The following CLDN5 variants were observed in gnomAD, a reference collection of about 807,000 sequenced individuals.
CLDN5 encodes the protein claudin-5.
In CLDN5, 4 loss-of-function variants were observed where a neutral mutation model predicts 1.3. That is an observed-to-expected ratio of 3.07 (90% CI 1.51 to 7.03). CLDN5 has a LOEUF of 7.03. CLDN5 is among the 30% of genes most tolerant of loss of function. The probability of loss-of-function intolerance (pLI) is 0.00; values close to 1 mark genes in which losing one functional copy is unlikely to be tolerated. For missense variants in CLDN5, 225 were observed against 303.5 expected (o/e 0.74, Z 1.92); for synonymous variants, 156 against 152.3 (o/e 1.02, Z -0.18).
At chr22:19,524,413 C>A (rs1199248569), upstream of CLDN5, 1 of 1,448,252 alleles carries the variant, frequency 6.9e-7, no homozygotes, top group African/African-American at 1.5e-5. Context: ...GGTCTGCCAG[C>A]TCCTGCCGGG....
At chr22:19,524,946 C>G (rs1373399834), upstream of CLDN5, 2 of 1,021,434 alleles carry the variant, frequency 2.0e-6, no homozygotes, top group Admixed American at 5.9e-5. Flanking sequence ...TCTCCAGCCC[C>G]GCTCTGAGTC....
rs1478623274 is a variant in CLDN5, at chr22:19,524,372, C to A, written c.-117G>T. ...GCGCTCCCGGCTCTTGGCCCCAGTC[C>A]GTTTGCCCCGCGGGTCTGTCGCACC... On this transcript the variant is annotated 5_prime_UTR_variant, in exon 1 of 1. Coordinates refer to ENST00000618236, the MANE Select transcript of CLDN5 (RefSeq NM_001363066.2). 2.0e-6 allele frequency: 3 copies of A among 1,470,364 alleles called. No homozygotes were observed. The East Asian group carries it at 7.6e-5, about 37-fold the overall frequency. The allele number at this position is 1,470,364 out of a possible 1,614,324, so 91.1% of individuals were successfully genotyped here. A position where few individuals can be genotyped will look rare whatever the true frequency, so the allele number is the denominator to read the frequency against.
At position 19,523,288 on chromosome 22, in the gene CLDN5, C is replaced by A. The variant is rs1354704746; in HGVS notation, c.*311G>T. The A allele has an allele frequency of 2.8e-6, 1 of 358,502 alleles. No individual in the cohort carries two copies. The highest frequency in any genetic ancestry group is 5.2e-5 in the East Asian group (1 of 19,068). 22.2% of individuals were successfully genotyped at this position (358,502 alleles called of 1,614,324 possible). On this transcript the variant is annotated 3_prime_UTR_variant, in exon 1 of 1. Transcript: ENST00000618236. ...GGAAGTAAGGCAGCAGCCAAGACCC[C>A]CAGCGTCTTGGAGGGGAAGCGAAAT...
upstream of CLDN5, chr22:19,524,642 C>A: frequency 2.2e-6 from 3 of 1,342,990 alleles, no homozygotes; most frequent in East Asian, 6.1e-5. Context: ...TTGTCCTAGT[C>A]GCGGCCGAGC....
chr22:19,524,163 C>G lies in CLDN5; in HGVS notation c.93G>C (p.Gln31His). 1 of 1,611,336 alleles carries G rather than the reference C, an allele frequency of 6.2e-7. No homozygotes were observed. The highest frequency in any genetic ancestry group is 8.5e-7 in the Non-Finnish European group (1 of 1,179,614). The change falls in exon 1 of 1, where the codon CAG becomes CAC. Residue 31 changes from glutamine to histidine, a missense_variant. By Grantham distance (24) the Gln-to-His change is conservative. Coordinates refer to ENST00000618236, the MANE Select transcript of CLDN5 (RefSeq NM_001363066.2). ...LILACGLPMW[Q>H]VTAFLDHNIV... ...TGTTGTGGTCCAGGAAGGCGGTCAC[C>G]TGCCACATGGGCAGCCCGCACGCCA...
In CLDN5 at chr22:19,523,712, A is replaced by C. The variant is rs1168920568; in HGVS notation, c.544T>G (p.Cys182Gly). Reference protein sequence around the residue: ...ALLMVGGCLLCCGAWVCTGRP... With the variant: ...ALLMVGGCLLGCGAWVCTGRP... Reference sequence around the variant, plus strand: ...CCGGTGCAGACCCAGGCGCCGCAGCACAAGAGGCAGCCGCCTACCATGAGC... The same window carrying C: ...CCGGTGCAGACCCAGGCGCCGCAGCCCAAGAGGCAGCCGCCTACCATGAGC... The change falls in exon 1 of 1, where the codon TGC becomes GGC. Residue 182 changes from cysteine (C) to glycine (G), a missense_variant. By Grantham distance (159) the Cys-to-Gly change is radical (BLOSUM62 -3). This residue lies in a region of CLDN5 where 165 missense variants were observed against 211.9 expected (regional missense o/e 0.78). Coordinates refer to ENST00000618236, the MANE Select transcript of CLDN5 (RefSeq NM_001363066.2). The C allele has an allele frequency of 6.2e-7, 1 of 1,607,182 alleles. No homozygotes were observed. Among genetic ancestry groups the C allele is most frequent in the Non-Finnish European group, 8.5e-7 (1 of 1,178,592 alleles).
chr22:19,523,998 G>T lies in CLDN5; in HGVS notation c.258C>A (p.Ser86Arg). 6.3e-7 allele frequency: 1 copy of T among 1,589,900 alleles called. No individual in the cohort carries two copies. Among genetic ancestry groups the T allele is most frequent in the Non-Finnish European group, 8.5e-7 (1 of 1,174,318 alleles). ...GCGCAACGAACGCCAGCAGCACGGC[G>T]CTCACGGTGAGCGCCCGCGCCGCCT... ...EVQAARALTVSAVLLAFVALF... is the reference protein window; with the variant it reads ...EVQAARALTVRAVLLAFVALF... Residue 86 changes from serine (S) to arginine (R), a missense_variant, in exon 1 of 1, where the codon AGC becomes AGA. Transcript: ENST00000618236.
rs967389341 is a variant in CLDN5 at position 19,524,327 on chromosome 22, G to T, written c.-72C>A. 2 of 1,496,018 alleles carry T rather than the reference G, an allele frequency of 1.3e-6. No homozygotes were observed. Among genetic ancestry groups the T allele is most frequent in the Admixed American group, 4.7e-5 (2 of 42,478 alleles). The allele number at this position is 1,496,018 out of a possible 1,614,324, so 92.7% of individuals were successfully genotyped here. A position where few individuals can be genotyped will look rare whatever the true frequency, so the allele number is the denominator to read the frequency against. ...CCGTGCTGCGCGGCGCCCTGGGCGG[G>T]CCCTGGTGCCTTTGCGCCCGCGCTC... is the stretch of plus-strand genomic sequence containing the variant. On this transcript the variant is annotated 5_prime_UTR_variant, in exon 1 of 1. Coordinates refer to ENST00000618236, the MANE Select transcript of CLDN5 (RefSeq NM_001363066.2).
At position 19,524,336 on chromosome 22, in the gene CLDN5, C is replaced by T; in HGVS notation, c.-81G>A. 1 of 1,488,360 alleles carries T rather than the reference C, an allele frequency of 6.7e-7. No individual in the cohort carries two copies. Among genetic ancestry groups the T allele is most frequent in the Non-Finnish European group, 8.9e-7 (1 of 1,118,444 alleles). 92.2% of individuals were successfully genotyped at this position (1,488,360 alleles called of 1,614,324 possible). A position where few individuals can be genotyped will look rare whatever the true frequency, so the allele number is the denominator to read the frequency against. ...GCGGCGCCCTGGGCGGGCCCTGGTG[C>T]CTTTGCGCCCGCGCTCCCGGCTCTT... On this transcript the variant is annotated 5_prime_UTR_variant, in exon 1 of 1. Transcript: ENST00000618236.
chr22:19,524,670 A>C (rs1415722971), upstream of CLDN5: 1 of 1,314,308 alleles, frequency 7.6e-7, no homozygotes, highest in East Asian at 3.1e-5. Context: ...GGGCTGGCCT[A>C]GGGCGCGCTT....
chr22:19,524,326 G>C lies in CLDN5; in HGVS notation c.-71C>G. 1 of 1,501,380 alleles carries C rather than the reference G, an allele frequency of 6.7e-7. No individual in the cohort carries two copies. The highest frequency in any genetic ancestry group is 8.9e-7 in the Non-Finnish European group (1 of 1,124,482). 93.0% of individuals were successfully genotyped at this position (1,501,380 alleles called of 1,614,324 possible). ...GCCGTGCTGCGCGGCGCCCTGGGCGGGCCCTGGTGCCTTTGCGCCCGCGCT... is the reference window on the plus strand; with the variant it reads ...GCCGTGCTGCGCGGCGCCCTGGGCGCGCCCTGGTGCCTTTGCGCCCGCGCT... On this transcript the variant is annotated 5_prime_UTR_variant, in exon 1 of 1. Transcript: ENST00000618236.
At chr22:19,524,477 C>T, upstream of CLDN5, 1 of 1,433,552 alleles carries the variant, frequency 7.0e-7, no homozygotes, top group South Asian at 1.5e-5. Flanking sequence ...GCCCGGCCCC[C>T]CGGCCCGAAG....
rs1934151323 is a variant in CLDN5 at position 19,523,497 on chromosome 22, C to T, written c.*102G>A. On this transcript the variant is annotated 3_prime_UTR_variant, in exon 1 of 1. Coordinates refer to ENST00000618236, the MANE Select transcript of CLDN5 (RefSeq NM_001363066.2). ...CGGACGTTCCGAGGAGCCTGCGCGC[C>T]GCGCTACCCGGCGGAAGCCGCGGTC... The T allele has an allele frequency of 1.4e-6, 2 of 1,438,364 alleles. No homozygotes were observed. Among genetic ancestry groups the T allele is most frequent in the African/African-American group, 1.5e-5 (1 of 68,074 alleles). The allele number at this position is 1,438,364 out of a possible 1,614,324, so 89.1% of individuals were successfully genotyped here. A position where few individuals can be genotyped will look rare whatever the true frequency, so the allele number is the denominator to read the frequency against.
upstream of CLDN5, chr22:19,525,302 C>T (rs1934206255): frequency 2.3e-5 from 23 of 999,490 alleles, no homozygotes; most frequent in Non-Finnish European, 2.8e-5. Context: ...TGGCCCCAGG[C>T]CTAGCAGCCT....
At chr22:19,525,066 G>A (rs982536052), upstream of CLDN5, 3 of 1,001,112 alleles carry the variant, frequency 3.0e-6, no homozygotes, top group African/African-American at 3.5e-5. Flanking sequence ...CCTCTCTGGA[G>A]CCTGAGTCTC....
Position 19,524,261 on chromosome 22 carries a change from G to C in CLDN5, c.-6C>G, listed in dbSNP as rs781250625. On this transcript the variant is annotated 5_prime_UTR_variant, in exon 1 of 1. Transcript: ENST00000618236. Reference sequence around the variant, plus strand: ...TCCAACGCTGCGGACCCCATGGCTAGAGGCGAGACGCGCACCCGAAGGCCC... The same window carrying C: ...TCCAACGCTGCGGACCCCATGGCTACAGGCGAGACGCGCACCCGAAGGCCC... 13 of 1,564,326 alleles carry C rather than the reference G, an allele frequency of 8.3e-6. No homozygotes were observed. The highest frequency in any genetic ancestry group is 1.1e-5 in the Non-Finnish European group (13 of 1,155,688).
rs1934157231 is a variant in CLDN5 at position 19,523,653 on chromosome 22, T to C, written c.603A>G (p.Ser201=). 1 of 1,605,850 alleles carries C rather than the reference T, an allele frequency of 6.2e-7. No homozygotes were observed. The highest frequency in any genetic ancestry group is 1.3e-5 in the African/African-American group (1 of 74,864). The change falls in exon 1 of 1, where the codon TCA becomes TCG. Residue 201 remains serine, a synonymous_variant. Coordinates refer to ENST00000618236, the MANE Select transcript of CLDN5 (RefSeq NM_001363066.2). The part of the protein sequence containing the change: ...RPDLSFPVKY[S]APRRPTATGD... ...CGGTGGCCGTGGGCCGCCGCGGCGC[T>C]GAGTACTTCACGGGGAAGCTGAGGT...
In CLDN5 at chr22:19,523,881, G is replaced by A; in HGVS notation, c.375C>T (p.Tyr125=). 1.9e-6 allele frequency: 3 copies of A among 1,608,960 alleles called. No homozygotes were observed. The highest frequency in any genetic ancestry group is 2.5e-6 in the Non-Finnish European group (3 of 1,179,140). ...CGAGCGCCAGCAGCCCGCAAAACAG[G>A]TAGAGCACGCCTCCCGTGAGGGCCA... ...ARVALTGGVL[Y]LFCGLLALVP... The change falls in exon 1 of 1, where the codon TAC becomes TAT. Residue 125 remains tyrosine (Y), a synonymous_variant. Transcript: ENST00000618236.
chr22:19,524,601 G>T (rs1934191875), upstream of CLDN5: 5 of 1,323,682 alleles, frequency 3.8e-6, no homozygotes, highest in Non-Finnish European at 3.9e-6. Flanking sequence ...ACCGCTCCCC[G>T]CCCGGCAGCC....
Sources: allele counts gnomAD v4.1 joint callset, GRCh38; gene constraint gnomAD v4.1.1; regional missense constraint gnomAD v4.1.1; transcripts MANE v1.5; gene names NCBI Gene and HGNC (gene_info 2026-07-23, HGNC 2026-07-21).